The following SGPL1 variants were observed in gnomAD, a reference collection of about 807,000 sequenced individuals.
The protein encoded by SGPL1 is sphingosine-1-phosphate lyase 1.
A neutral mutation model predicts 68.9 loss-of-function variants in SGPL1; 37 were observed. The ratio of observed to expected loss-of-function variants is 0.54; its 90% CI spans 0.41 to 0.71. SGPL1 has a LOEUF of 0.71. Among genes scored for constraint, SGPL1 ranks in the 30% least tolerant of loss-of-function variants. SGPL1 has a pLI of 0.00. For missense variants in SGPL1, 551 were observed against 704.6 expected, an observed-to-expected ratio of 0.78 and a Z score of 2.47; for synonymous variants, 236 against 248.5, an observed-to-expected ratio of 0.95 and a Z score of 0.47.
intron 5 of SGPL1, among the ~76,000 whole-genome samples, chr10:70,856,625 G>A (rs925246522): frequency 3.9e-5 from 6 of 152,194 alleles, no homozygotes; most frequent in Non-Finnish European, 8.8e-5. Context: ...AAGAGTGAAA[G>A]TCAAACGGGC....
intron 6 of SGPL1, among the ~76,000 whole-genome samples, chr10:70,858,505 C>T (rs1338246216): frequency 6.6e-6 from 1 of 152,082 alleles, no homozygotes; most frequent in Non-Finnish European, 1.5e-5. Flanking sequence ...TCTCTAAGGT[C>T]TTTGTGTTTG....
At chr10:70,870,507 CA>C (rs35049583) in intron 9 of SGPL1, among the ~76,000 whole-genome samples, 120,698 of 143,134 alleles carry the variant, frequency 0.84, 50,490 homozygotes, top group East Asian at 0.9. Context: ...GACCCTGTCT[CA>C]AAAAAAAAAA....
chr10:70,870,985 C>A, intron 9 of SGPL1, 63 bp from the exon 10 acceptor site: 1 of 1,429,850 alleles, frequency 7.0e-7, no homozygotes, highest in Non-Finnish European at 9.9e-7. Context: ...TTGCTCTTGG[C>A]AGCAGAAGAG....
rs1564619156 is a variant in SGPL1 at position 70,832,304 on chromosome 10, T to G, written c.28-12169T>G. Among the ~76,000 whole-genome samples, 4 of 152,224 alleles carry G rather than the reference T, an allele frequency of 2.6e-5. No individual in the cohort carries two copies. In the South Asian group the frequency reaches 8.3e-4, roughly 32 times the overall value. ...TCCCTGCTTATTCTTTTGAGCAGGC[T>G]TACGTGTTGGAAATCTCTAGAGAAA... is the stretch of plus-strand genomic sequence containing the variant. On this transcript the variant is annotated intron_variant, in intron 2 of 14. Transcript: ENST00000373202.
At chr10:70,825,908 G>A (rs193246281) in intron 2 of SGPL1, among the ~76,000 whole-genome samples, 79 of 152,284 alleles carry the variant, frequency 5.2e-4, no homozygotes, top group Non-Finnish European at 8.8e-4. Flanking sequence ...CTGGCCTGGC[G>A]CGGTGGCTCA....
intron 5 of SGPL1, among the ~76,000 whole-genome samples, chr10:70,856,115 C>T (rs1425496914): frequency 6.6e-6 from 1 of 152,116 alleles, no homozygotes; most frequent in Admixed American, 6.5e-5. Context: ...GTGCCTCAGC[C>T]TCCCAAGTAG....
chr10:70,820,434 C>G (rs1274186902), intron 2 of SGPL1: 2 of 152,036 alleles, frequency 1.3e-5, no homozygotes, highest in Non-Finnish European at 2.9e-5. Context: ...CTTTTTTCTT[C>G]TAGTGTAGTC....
At chr10:70,866,820 T>A (rs1352746622) in intron 7 of SGPL1, 2 of 152,148 alleles carry the variant, frequency 1.3e-5, no homozygotes, top group Non-Finnish European at 2.9e-5. Flanking sequence ...ACTTCCTGAG[T>A]CAAAAAATGA....
chr10:70,872,697 C>G (rs537030830), intron 11 of SGPL1, among the ~76,000 whole-genome samples: 11 of 152,316 alleles, frequency 7.2e-5, no homozygotes, highest in South Asian at 2.1e-4. Context: ...TTTCAGTCAG[C>G]ATCTGTTTTT....
rs1845642516 is a variant in SGPL1, at chr10:70,837,356, G to A, written c.28-7117G>A. 2.0e-5 allele frequency among the ~76,000 whole-genome samples: 3 copies of A among 152,190 alleles called. No homozygotes were observed. The South Asian group carries it at 6.2e-4, about 32-fold the overall frequency. On this transcript the variant is annotated intron_variant, in intron 2 of 14. Transcript: ENST00000373202. ...GCCTCCCAGAGTGCTGGGATTACAG[G>A]TGTGAGCCACCATGCCTGGCCAAAT...
chr10:70,873,615 C>A lies in SGPL1; in HGVS notation c.1298+26C>A, dbSNP rs752769939. On this transcript the variant is annotated intron_variant, in intron 12 of 14. Coordinates refer to ENST00000373202, the MANE Select transcript of SGPL1 (RefSeq NM_003901.4). Reference sequence around the variant, plus strand: ...GTATGTGTGGAAGACTGGGGTTCTGCCTTGTCTATTGCTTTTTTGTCCTAG... The same window carrying A: ...GTATGTGTGGAAGACTGGGGTTCTGACTTGTCTATTGCTTTTTTGTCCTAG... 3.2e-6 allele frequency: 5 copies of A among 1,550,968 alleles called. No homozygotes were observed. In the South Asian group the frequency reaches 5.6e-5, roughly 17 times the overall value.
At chr10:70,853,066 CTA>C (rs1310987605) in intron 4 of SGPL1, among the ~76,000 whole-genome samples, 4 of 152,186 alleles carry the variant, frequency 2.6e-5, no homozygotes, top group Non-Finnish European at 5.9e-5. Flanking sequence ...ATAGCATACT[CTA>C]TGTATGGAAG....
chr10:70,859,637 A>G (rs1846019071), intron 7 of SGPL1, 138 bp downstream of exon 7: 2 of 329,668 alleles, frequency 6.1e-6, no homozygotes, highest in Non-Finnish European at 9.2e-6. Context: ...TGATCATTGT[A>G]GAAAGGTCAT....
intron 2 of SGPL1, among the ~76,000 whole-genome samples, chr10:70,829,662 G>A (rs1564618316): frequency 6.6e-6 from 1 of 151,970 alleles, no homozygotes; most frequent in Non-Finnish European, 1.5e-5. Flanking sequence ...TAGAGGTTTA[G>A]TGTTGTGCCA....
chr10:70,868,282 A>ACT, intron 7 of SGPL1, 63 bp from the exon 8 acceptor site: 2 of 1,108,388 alleles, frequency 1.8e-6, no homozygotes, highest in South Asian at 1.5e-5. Context: ...TGTCAAGATC[A>ACT]GGGCATGAAG....
At chr10:70,864,006 T>C (rs1022115491) in intron 7 of SGPL1, among the ~76,000 whole-genome samples, 3 of 152,174 alleles carry the variant, frequency 2.0e-5, no homozygotes, top group African/African-American at 7.2e-5. Flanking sequence ...TCTTGCAGGA[T>C]TCTTGATTTT....
At chr10:70,830,718 T>A (rs536618705) in intron 2 of SGPL1, among the ~76,000 whole-genome samples, 1 of 152,340 alleles carries the variant, frequency 6.6e-6, no homozygotes, top group South Asian at 2.1e-4. Context: ...GCCTTTAGGA[T>A]GTCCTGAATT....
chr10:70,829,886 A>T (rs1845503700), intron 2 of SGPL1, among the ~76,000 whole-genome samples: 1 of 152,204 alleles, frequency 6.6e-6, no homozygotes, highest in Non-Finnish European at 1.5e-5. Flanking sequence ...GTATGTGCTT[A>T]GGAATTGCTG....
In SGPL1 at chr10:70,831,385, C is replaced by G. The variant is rs560949287; in HGVS notation, c.28-13088C>G. 2.0e-5 allele frequency among the ~76,000 whole-genome samples: 3 copies of G among 152,260 alleles called. No homozygotes were observed. The South Asian group carries it at 6.2e-4, about 32-fold the overall frequency. Reference sequence around the variant, plus strand: ...CTATGGGTTGAGGGCTCAGTCCCAACCCATACCTGTCTCCCCCAACCCCAA... The same window carrying G: ...CTATGGGTTGAGGGCTCAGTCCCAAGCCATACCTGTCTCCCCCAACCCCAA... On this transcript the variant is annotated intron_variant, in intron 2 of 14. Transcript: ENST00000373202.
Sources: allele counts gnomAD v4.1 joint callset (sites outside exome capture counted in the v4.1 genomes callset), GRCh38; gene constraint gnomAD v4.1.1; transcripts MANE v1.5; gene names NCBI Gene and HGNC (gene_info 2026-07-23, HGNC 2026-07-21).